The following EPB41L2 variants were observed in gnomAD, a reference collection of about 807,000 sequenced individuals.
The protein encoded by EPB41L2 is band 4.1-like protein 2.
In EPB41L2, 43 loss-of-function variants were observed where a neutral mutation model predicts 113.0. The observed-to-expected ratio is 0.38, with a 90% CI of 0.30 to 0.49. The LOEUF (loss-of-function observed/expected upper bound fraction) is 0.49. Among genes scored for constraint, EPB41L2 ranks in the 20% least tolerant of loss-of-function variants. EPB41L2 has a pLI of 0.95. For synonymous variants in EPB41L2, 442 were observed against 436.7 expected, an observed-to-expected ratio of 1.01 and a Z score of -0.15; for missense variants, 1,147 against 1,223.4, an observed-to-expected ratio of 0.94 and a Z score of 0.93.
chr6:130,942,958 G>A (rs1042163931), intron 3 of EPB41L2, among the ~76,000 whole-genome samples: 3 of 152,154 alleles, frequency 2.0e-5, no homozygotes, highest in Non-Finnish European at 2.9e-5. Context: ...AGTATTCTAC[G>A]GTGTATATGT....
rs1796247471 is a variant in EPB41L2, at chr6:130,901,331, A to AATTT, written c.930-152_930-151insAAAT. The stretch of plus-strand genomic sequence containing the variant: ...CAGCAAAAATCATCTTCTCTAATAA[A>AATTT]AAGCCTCAACTTGCTCCTTGGGCTT... On this transcript the variant is annotated intron_variant, in intron 6 of 19. Transcript: ENST00000337057. The AATTT allele has an allele frequency of 6.0e-6, 4 of 665,414 alleles. No individual in the cohort carries two copies. The South Asian group carries it at 8.3e-5, about 14-fold the overall frequency. 41.2% of individuals were successfully genotyped at this position (665,414 alleles called of 1,614,324 possible).
At chr6:130,885,826 TTTA>T (rs1317469152) in intron 11 of EPB41L2, among the ~76,000 whole-genome samples, 4 of 152,232 alleles carry the variant, frequency 2.6e-5, no homozygotes, top group African/African-American at 9.6e-5. Context: ...TTTAATATTT[TTTA>T]TTTTTTAATC....
At chr6:130,991,694 A>G (rs1320066468) in intron 1 of EPB41L2, among the ~76,000 whole-genome samples, 2 of 152,206 alleles carry the variant, frequency 1.3e-5, no homozygotes, top group East Asian at 3.8e-4. Context: ...GTTTAAAATC[A>G]TGGCCAAAAA....
At chr6:130,876,500 A>T (rs1787596462) in intron 14 of EPB41L2, among the ~76,000 whole-genome samples, 1 of 152,210 alleles carries the variant, frequency 6.6e-6, no homozygotes, top group African/African-American at 2.4e-5. Flanking sequence ...GGTATTTCTC[A>T]TCCAACAATC....
rs114603698 is a variant in EPB41L2, at chr6:131,057,630, G to A, written c.-15+5525C>T. 3.6e-3 allele frequency among the ~76,000 whole-genome samples: 555 copies of A among 152,314 alleles called. 2 individuals carry two copies. The highest frequency in any genetic ancestry group is 0.013 in the African/African-American group (538 of 41,574). On this transcript the variant is annotated intron_variant, in intron 1 of 19. Transcript: ENST00000337057. ...ACGTAAATACAAGGGCTTGGAAAAG[G>A]TGACTTCAGAGTTGGTAATCAGAAC...
At chr6:131,048,267 T>TACTAG (rs1795885481) in intron 1 of EPB41L2, among the ~76,000 whole-genome samples, 1 of 151,706 alleles carries the variant, frequency 6.6e-6, no homozygotes, top group Non-Finnish European at 1.5e-5. Context: ...CTTGAGAACA[T>TACTAG]ACTAGAATTT....
chr6:130,899,414 T>C, intron 8 of EPB41L2, 77 bp downstream of exon 8: 1 of 1,145,754 alleles, frequency 8.7e-7, no homozygotes. Context: ...TAAGCTGTGC[T>C]ATCCTGAAAC....
intron 3 of EPB41L2, among the ~76,000 whole-genome samples, chr6:130,954,252 A>G (rs1816618941): frequency 1.3e-5 from 2 of 151,186 alleles, no homozygotes; most frequent in South Asian, 2.1e-4. Flanking sequence ...ACAGGGTTTC[A>G]CCATGTTAGC....
chr6:130,982,713 A>G (rs9321264), intron 1 of EPB41L2, among the ~76,000 whole-genome samples: 23,266 of 152,186 alleles, frequency 0.15, 2,382 homozygotes, highest in East Asian at 0.44. Flanking sequence ...ATATTTTACT[A>G]ATAATAAAAG....
chr6:130,960,204 A>T (rs1818880310), intron 1 of EPB41L2, among the ~76,000 whole-genome samples: 1 of 152,198 alleles, frequency 6.6e-6, no homozygotes, highest in South Asian at 2.1e-4. Flanking sequence ...TCACAGCTCC[A>T]TTATGCACGA....
chr6:131,003,461 C>T (rs1472433495), intron 1 of EPB41L2, among the ~76,000 whole-genome samples: 2 of 152,200 alleles, frequency 1.3e-5, no homozygotes, highest in Non-Finnish European at 2.9e-5. Flanking sequence ...TCGAAATACA[C>T]TGCCAATCAG....
chr6:130,970,982 G>A (rs560647905), intron 1 of EPB41L2, among the ~76,000 whole-genome samples: 2 of 152,236 alleles, frequency 1.3e-5, no homozygotes, highest in East Asian at 3.9e-4. Flanking sequence ...GACCTCCTGG[G>A]CTCAAACAAT....
Position 130,870,455 on chromosome 6 carries a change from G to C in EPB41L2, c.2044-329C>G. 9 of 1,452,426 alleles carry C rather than the reference G, an allele frequency of 6.2e-6. No homozygotes were observed. The South Asian group carries it at 8.5e-5, about 14-fold the overall frequency. 90.0% of individuals were successfully genotyped at this position (1,452,426 alleles called of 1,614,324 possible). A position where few individuals can be genotyped will look rare whatever the true frequency, so the allele number is the denominator to read the frequency against. ...TCAACAACCACTGAAACAAACATCT[G>C]ACACTGCAAAGACAAAACAGCAAGA... On this transcript the variant is annotated intron_variant, in intron 14 of 19. Transcript: ENST00000337057.
intron 12 of EPB41L2, chr6:130,882,233 CCTT>C (rs1435046762): frequency 6.6e-6 from 1 of 152,250 alleles, no homozygotes; most frequent in Non-Finnish European, 1.5e-5. Context: ...CTCCCCCACA[CCTT>C]CTGTTACAAA....
At chr6:131,002,869 C>A (rs568906153) in intron 1 of EPB41L2, among the ~76,000 whole-genome samples, 23 of 152,248 alleles carry the variant, frequency 1.5e-4, no homozygotes, top group African/African-American at 5.5e-4. Flanking sequence ...ATGGATTTAA[C>A]CCTCGGGGTC....
intron 18 of EPB41L2, among the ~76,000 whole-genome samples, 159 bp downstream of exon 18, chr6:130,863,479 G>T (rs1782776821): frequency 6.6e-6 from 1 of 152,216 alleles, no homozygotes; most frequent in South Asian, 2.1e-4. Context: ...AGGTAGGAAA[G>T]CTTGTATCCA....
Position 131,047,062 on chromosome 6 carries a change from A to C in EPB41L2, c.-15+16093T>G, listed in dbSNP as rs1034449420. On this transcript the variant is annotated intron_variant, in intron 1 of 19. Coordinates refer to ENST00000337057, the MANE Select transcript of EPB41L2 (RefSeq NM_001431.4). The stretch of plus-strand genomic sequence containing the variant: ...TGCTCCACCATTAATTGGCTGAGTG[A>C]CCCTGAGCAAGTTACTTCAAACTGC... 5.3e-5 allele frequency among the ~76,000 whole-genome samples: 8 copies of C among 152,174 alleles called. No individual in the cohort carries two copies. In the South Asian group the frequency reaches 1.2e-3, roughly 24 times the overall value.
chr6:130,906,714 C>T lies in EPB41L2; in HGVS notation c.853+2107G>A, dbSNP rs9492751. 8.1e-3 allele frequency among the ~76,000 whole-genome samples: 1,237 copies of T among 152,198 alleles called. 12 individuals are homozygous for T. Among genetic ancestry groups the T allele is most frequent in the African/African-American group, 0.026 (1,084 of 41,528 alleles). On this transcript the variant is annotated intron_variant, in intron 5 of 19. Coordinates refer to ENST00000337057, the MANE Select transcript of EPB41L2 (RefSeq NM_001431.4). ...CTCAAAAAAGATTAATATTTATCTT[C>T]GCTAACTGCCTATGAGCTGAAAAAT...
intron 2 of EPB41L2, 67 bp downstream of exon 2, chr6:130,955,926 AC>A (rs1817294681): frequency 5.9e-6 from 9 of 1,537,564 alleles, no homozygotes; most frequent in Non-Finnish European, 7.8e-6. Flanking sequence ...TCCAAAACAA[AC>A]AAACCCTTTT....
Sources: gnomAD v4.1 joint callset for allele counts (sites outside exome capture counted in the v4.1 genomes callset) on GRCh38, gnomAD v4.1.1 for gene constraint, MANE v1.5 for transcripts, NCBI Gene and HGNC (gene_info 2026-07-23, HGNC 2026-07-21) for gene names.